PINX1: variants seen among roughly 807,000 people sequenced by gnomAD.
The protein encoded by PINX1 is PIN2/TERF1-interacting telomerase inhibitor 1.
A neutral mutation model predicts 25.4 loss-of-function variants in PINX1; 34 were observed. The observed-to-expected ratio is 1.34, with a 90% CI of 1.02 to 1.78. PINX1 has a LOEUF of 1.78. Among genes scored for constraint, PINX1 ranks in the 40% most tolerant of loss-of-function variants. The pLI, the probability that PINX1 is intolerant of heterozygous loss-of-function variation, is 0.00. For missense variants in PINX1, 592 were observed against 404.9 expected (o/e 1.46, Z -3.97); for synonymous variants, 197 against 147.7 (o/e 1.33, Z -2.42).
chr8:10,796,406 G>A (rs1018247258), intron 6 of PINX1, among the ~76,000 whole-genome samples: 8 of 152,038 alleles, frequency 5.3e-5, no homozygotes, highest in South Asian at 2.1e-4. Context: ...TCTACCTCTC[G>A]TATCCAGCCT....
intron 6 of PINX1, among the ~76,000 whole-genome samples, chr8:10,766,321 G>A (rs1263948628): frequency 6.6e-6 from 1 of 152,256 alleles, no homozygotes; most frequent in Admixed American, 6.5e-5. Context: ...AGAGCTTGGT[G>A]ATTTTGTTAG....
chr8:10,820,699 A>G (rs1252145485), intron 5 of PINX1, among the ~76,000 whole-genome samples: 2 of 152,232 alleles, frequency 1.3e-5, no homozygotes, highest in East Asian at 3.8e-4. Context: ...ATCACTAGAT[A>G]CACAGCTCCA....
chr8:10,782,118 A>G (rs1801604667), intron 6 of PINX1, among the ~76,000 whole-genome samples: 2 of 152,232 alleles, frequency 1.3e-5, no homozygotes, highest in Non-Finnish European at 2.9e-5. Flanking sequence ...GATCTCACTG[A>G]TAAGATGGAA....
intron 6 of PINX1, among the ~76,000 whole-genome samples, chr8:10,794,274 A>G (rs1361950083): frequency 2.0e-5 from 3 of 152,234 alleles, no homozygotes; most frequent in Non-Finnish European, 4.4e-5. Flanking sequence ...AAAATTTTAA[A>G]TTACATTTAA....
chr8:10,790,709 G>T (rs949977944), intron 6 of PINX1, among the ~76,000 whole-genome samples: 2 of 152,128 alleles, frequency 1.3e-5, no homozygotes, highest in African/African-American at 4.8e-5. Context: ...ACCTCTACCT[G>T]CCTGCCTCAG....
chr8:10,820,311 C>G, intron 5 of PINX1, 42 bp from the exon 6 acceptor site: 2 of 1,406,968 alleles, frequency 1.4e-6, no homozygotes, highest in East Asian at 4.6e-5. Flanking sequence ...ACTGTTCTTC[C>G]TAAAAGAAAG....
chr8:10,769,391 C>T (rs1458245183), intron 6 of PINX1, among the ~76,000 whole-genome samples: 2 of 152,218 alleles, frequency 1.3e-5, no homozygotes, highest in African/African-American at 2.4e-5. Flanking sequence ...CATTTGATGA[C>T]TGACTTTCCC....
At chr8:10,816,519 T>C (rs980417734) in intron 6 of PINX1, among the ~76,000 whole-genome samples, 1 of 152,240 alleles carries the variant, frequency 6.6e-6, no homozygotes, top group African/African-American at 2.4e-5. Flanking sequence ...GGAAGTCAAG[T>C]CGTTCTTCAG....
At chr8:10,829,424 C>T (rs1798159063) in intron 4 of PINX1, among the ~76,000 whole-genome samples, 1 of 152,174 alleles carries the variant, frequency 6.6e-6, no homozygotes, top group East Asian at 1.9e-4. Context: ...AGGAGGCTTA[C>T]AGTGCTGAGT....
intron 1 of PINX1, among the ~76,000 whole-genome samples, chr8:10,839,507 C>A (rs971637030): frequency 5.9e-5 from 9 of 152,188 alleles, no homozygotes; most frequent in Admixed American, 2.6e-4. Flanking sequence ...ATTCTGAGAA[C>A]GGCGTCTCCG....
In PINX1 at chr8:10,778,781, G is replaced by T. The variant is rs571414745; in HGVS notation, c.472-12865C>A. 1.1e-3 allele frequency among the ~76,000 whole-genome samples: 163 copies of T among 152,316 alleles called. 1 individual carries two copies. The highest frequency in any genetic ancestry group is 2.0e-3 in the Non-Finnish European group (139 of 68,028). ...TTTGAAAGGGCTATTTAAACAGATA[G>T]TTCCATTATCTGGATAAAATGAGTA... On this transcript the variant is annotated intron_variant, in intron 6 of 6. Coordinates refer to ENST00000314787, the MANE Select transcript of PINX1 (RefSeq NM_017884.6).
chr8:10,795,712 G>GA (rs1802063719), intron 6 of PINX1, among the ~76,000 whole-genome samples: 1 of 152,100 alleles, frequency 6.6e-6, no homozygotes, highest in Non-Finnish European at 1.5e-5. Flanking sequence ...CTGCTTGTAA[G>GA]AAAAAATCCC....
Position 10,772,412 on chromosome 8 carries a change from C to T in PINX1, c.472-6496G>A, listed in dbSNP as rs539134138. ...AGCCACTATGGCGGGCGGCCCTGCT[C>T]TTCTCTCTATGGAACCTCTGTGGTT... On this transcript the variant is annotated intron_variant, in intron 6 of 6. Coordinates refer to ENST00000314787, the MANE Select transcript of PINX1 (RefSeq NM_017884.6). Among the ~76,000 whole-genome samples, 5 of 152,366 alleles carry T rather than the reference C, an allele frequency of 3.3e-5. No homozygotes were observed. In the East Asian group the frequency reaches 9.6e-4, roughly 29 times the overall value.
Position 10,765,248 on chromosome 8 carries a change from G to T in PINX1, c.*153C>A, listed in dbSNP as rs1800991096. On this transcript the variant is annotated 3_prime_UTR_variant, in exon 7 of 7. Transcript: ENST00000314787. ...CCTGGGAATGTAACTTGGGGGAAAT[G>T]TGGCGAGAGGGCAGGACTCGGCAGC... 3.3e-6 allele frequency: 2 copies of T among 608,458 alleles called. No individual in the cohort carries two copies. Among genetic ancestry groups the T allele is most frequent in the Non-Finnish European group, 5.5e-6 (2 of 365,784 alleles). 37.7% of individuals were successfully genotyped at this position (608,458 alleles called of 1,614,324 possible).
intron 6 of PINX1, among the ~76,000 whole-genome samples, chr8:10,817,502 C>T (rs573114363): frequency 6.6e-6 from 1 of 152,282 alleles, no homozygotes; most frequent in African/African-American, 2.4e-5. Context: ...TATGAACATC[C>T]ACAAGGATGT....
chr8:10,820,509 A>G (rs1797835775), intron 5 of PINX1, among the ~76,000 whole-genome samples: 2 of 152,258 alleles, frequency 1.3e-5, no homozygotes, highest in South Asian at 4.1e-4. Context: ...TCTTAATTGT[A>G]GAAACAACCT....
At chr8:10,831,789 T>C (rs750236993) in intron 3 of PINX1, 46 bp from the exon 4 acceptor site, 1 of 1,048,700 alleles carries the variant, frequency 9.5e-7, no homozygotes. Flanking sequence ...TGTAGTTTAC[T>C]TACACTGACT....
chr8:10,829,030 G>A lies in PINX1; in HGVS notation c.301+2635C>T, dbSNP rs1319149810. On this transcript the variant is annotated intron_variant, in intron 4 of 6. Coordinates refer to ENST00000314787, the MANE Select transcript of PINX1 (RefSeq NM_017884.6). ...AGGGTAGGTGCAGTGGCTAAAGCCT[G>A]TAACCCCAGCACCTTGAGAGGCTGA... is the stretch of plus-strand genomic sequence containing the variant. Among the ~76,000 whole-genome samples, 5 of 152,194 alleles carry A rather than the reference G, an allele frequency of 3.3e-5. No individual in the cohort carries two copies. The East Asian group carries it at 9.6e-4, about 29-fold the overall frequency.
intron 6 of PINX1, among the ~76,000 whole-genome samples, chr8:10,790,968 A>C (rs1211650418): frequency 1.3e-5 from 2 of 152,108 alleles, no homozygotes; most frequent in African/African-American, 4.8e-5. Flanking sequence ...GCTGGAGTAC[A>C]AAGGCGCAAT....
Sources: allele counts gnomAD v4.1 joint callset (sites outside exome capture counted in the v4.1 genomes callset), GRCh38; gene constraint gnomAD v4.1.1; transcripts MANE v1.5; gene names NCBI Gene and HGNC (gene_info 2026-07-23, HGNC 2026-07-21).